BAZ1B: variants seen among roughly 807,000 people sequenced by gnomAD.
BAZ1B encodes tyrosine-protein kinase BAZ1B.
BAZ1B carries 22 observed loss-of-function variants against 153.8 expected under a neutral mutation model. That is an observed-to-expected ratio of 0.14 (90% CI 0.10 to 0.20). BAZ1B has a LOEUF of 0.20. Among genes scored for constraint, BAZ1B ranks in the 10% least tolerant of loss-of-function variants. The probability of loss-of-function intolerance (pLI) is 1.00; values close to 1 mark genes in which losing one functional copy is unlikely to be tolerated. For missense variants in BAZ1B, 1,325 were observed against 1,799.3 expected, an observed-to-expected ratio of 0.74 and a Z score of 4.77; for synonymous variants, 676 against 633.4, an observed-to-expected ratio of 1.07 and a Z score of -1.01.
chr7:73,505,306 G>A (rs1220468955), intron 3 of BAZ1B, among the ~76,000 whole-genome samples: 1 of 152,104 alleles, frequency 6.6e-6, no homozygotes, highest in Non-Finnish European at 1.5e-5. Context: ...CAACTCAGGG[G>A]ACAGCAAAGC....
At chr7:73,464,274 T>A in intron 11 of BAZ1B, 1 of 479,720 alleles carries the variant, frequency 2.1e-6, no homozygotes, top group Non-Finnish European at 2.7e-6. Flanking sequence ...CTGGCTTTGA[T>A]AGAAATAATG....
At chr7:73,443,316 C>T (rs1787699554) in intron 17 of BAZ1B, among the ~76,000 whole-genome samples, 1 of 152,092 alleles carries the variant, frequency 6.6e-6, no homozygotes, top group South Asian at 2.1e-4. Flanking sequence ...GCTCTTCCAC[C>T]GTAGACATGT....
intron 4 of BAZ1B, among the ~76,000 whole-genome samples, chr7:73,495,654 A>G (rs1326773421): frequency 6.6e-6 from 1 of 152,232 alleles, no homozygotes; most frequent in Non-Finnish European, 1.5e-5. Flanking sequence ...CAATGGACAC[A>G]AGAAAGAAAA....
In BAZ1B at chr7:73,442,720, C is replaced by T. The variant is rs1187369877; in HGVS notation, c.4094+5G>A. ...CTCCCCTGCACCTGAGAACACAGCA[C>T]TCACCTGAAGGGCCAGCTGAAGCGG... On this transcript the variant is annotated splice_donor_5th_base_variant and intron_variant, in intron 18 of 19. Coordinates refer to ENST00000339594, the MANE Select transcript of BAZ1B (RefSeq NM_032408.4). 1 of 1,613,618 alleles carries T rather than the reference C, an allele frequency of 6.2e-7. No individual in the cohort carries two copies. The highest frequency in any genetic ancestry group is 2.2e-5 in the East Asian group (1 of 44,864).
chr7:73,448,047 G>A (rs1255842810), intron 15 of BAZ1B, among the ~76,000 whole-genome samples: 2 of 152,218 alleles, frequency 1.3e-5, no homozygotes, highest in African/African-American at 2.4e-5. Flanking sequence ...GCTCACGCCT[G>A]TAATCCCAGC....
chr7:73,498,698 C>T lies in BAZ1B; in HGVS notation c.370G>A (p.Val124Ile), dbSNP rs199811050. ...ACCTTGAGCATTTTCTCCTTCCCAA[C>T]CTATAAAGGAGGTAGTAGAGAAAAT... ...YAVGEECDFE[V>I]GKEKMLKVKI... The change falls in exon 4 of 20, where the codon GTT becomes ATT. Residue 124 changes from valine to isoleucine, a missense_variant and splice_region_variant. Physicochemically the swap from Val to Ile is conservative, Grantham distance 29. Transcript: ENST00000339594. 269 of 1,613,490 alleles carry T rather than the reference C, an allele frequency of 1.7e-4. 1 individual carries two copies. The Admixed American group carries it at 4.2e-3, about 25-fold the overall frequency.
At chr7:73,514,190 G>C (rs1790698913) in intron 1 of BAZ1B, among the ~76,000 whole-genome samples, 1 of 152,066 alleles carries the variant, frequency 6.6e-6, no homozygotes, top group African/African-American at 2.4e-5. Flanking sequence ...GTTCAACCTA[G>C]AGTTGTTACT....
At chr7:73,517,913 A>T (rs1219941463) in intron 1 of BAZ1B, among the ~76,000 whole-genome samples, 4 of 152,188 alleles carry the variant, frequency 2.6e-5, no homozygotes, top group Admixed American at 6.5e-5. Context: ...TGTGGCCCAG[A>T]TAAGTATAGA....
chr7:73,484,308 TAGATAGAC>T (rs200635720), intron 6 of BAZ1B, among the ~76,000 whole-genome samples: 3 of 148,646 alleles, frequency 2.0e-5, no homozygotes, highest in Admixed American at 6.6e-5. Flanking sequence ...GATAGATAGA[TAGATAGAC>T]AGACAGACAG....
chr7:73,457,506 G>C (rs180972976), intron 13 of BAZ1B, among the ~76,000 whole-genome samples: 1 of 152,242 alleles, frequency 6.6e-6, no homozygotes, highest in East Asian at 1.9e-4. Flanking sequence ...CATGTTCACA[G>C]CAACATTATT....
chr7:73,478,314 G>A lies in BAZ1B; in HGVS notation c.1147C>T (p.His383Tyr). 1 of 1,614,134 alleles carries A rather than the reference G, an allele frequency of 6.2e-7. No homozygotes were observed. Among genetic ancestry groups the A allele is most frequent in the South Asian group, 1.1e-5 (1 of 91,070 alleles). ...MSPNKLHTNF[H>Y]IPKKGPPAKK... ...GCAGGTGGGCCTTTTTTAGGAATGT[G>A]AAAGTTAGTGTGCAGCTTATTGGGC... The change falls in exon 7 of 20, where the codon CAC becomes TAC. Residue 383 changes from histidine (H) to tyrosine (Y), a missense_variant. Transcript: ENST00000339594.
rs377216135 is a variant in BAZ1B at position 73,502,602 on chromosome 7, G to C, written c.370-3904C>G. ...ATACAAAAATTAGCCAGTGCCTTTG[G>C]ACTGTAGGATGAGGAAAAAAAAAAA... On this transcript the variant is annotated intron_variant, in intron 3 of 19. Coordinates refer to ENST00000339594, the MANE Select transcript of BAZ1B (RefSeq NM_032408.4). Among the ~76,000 whole-genome samples the C allele has an allele frequency of 1.7e-4, 26 of 151,100 alleles. 1 individual carries two copies. In the East Asian group the frequency reaches 2.3e-3, roughly 14 times the overall value.
chr7:73,504,795 T>A (rs893602156), intron 3 of BAZ1B, among the ~76,000 whole-genome samples: 6 of 152,002 alleles, frequency 3.9e-5, no homozygotes, highest in Admixed American at 3.9e-4. Flanking sequence ...ACCACTGCAC[T>A]CCAGTCTGGA....
chr7:73,443,869 TAAG>T, intron 17 of BAZ1B, 112 bp downstream of exon 17: 8 of 1,503,098 alleles, frequency 5.3e-6, no homozygotes, highest in South Asian at 3.5e-5. Context: ...CCAAGTTTGG[TAAG>T]AAGGAGGAGG....
rs551683120 is a variant in BAZ1B at position 73,499,031 on chromosome 7, T to G, written c.370-333A>C. Among the ~76,000 whole-genome samples the G allele has an allele frequency of 3.9e-5, 6 of 152,296 alleles. No homozygotes were observed. The East Asian group carries it at 5.8e-4, about 15-fold the overall frequency. ...CATTTTTGTATGTATTTACTTATTA[T>G]TATTTTTTTTTTGAGACACAGTCTC... is the stretch of plus-strand genomic sequence containing the variant. On this transcript the variant is annotated intron_variant, in intron 3 of 19. Transcript: ENST00000339594.
intron 9 of BAZ1B, 45 bp from the exon 10 acceptor site, chr7:73,466,446 T>C: frequency 7.3e-7 from 1 of 1,378,306 alleles, no homozygotes; most frequent in Non-Finnish European, 1.0e-6. Context: ...AAATACCCAA[T>C]TGCTAGTTTC....
chr7:73,510,156 G>A (rs190280867), intron 2 of BAZ1B, among the ~76,000 whole-genome samples: 58 of 151,406 alleles, frequency 3.8e-4, no homozygotes, highest in African/African-American at 1.2e-3. Flanking sequence ...AGGGCCAGGC[G>A]CGGTAGCTCA....
chr7:73,512,028 C>CAAAAAAAAAA lies in BAZ1B; in HGVS notation c.108-1186_108-1177dup, dbSNP rs1168749967. Among the ~76,000 whole-genome samples, 47 of 34,750 alleles carry CAAAAAAAAAA rather than the reference C, an allele frequency of 1.4e-3. 2 individuals are homozygous for CAAAAAAAAAA. Among genetic ancestry groups the CAAAAAAAAAA allele is most frequent in the African/African-American group, 5.6e-3 (46 of 8,142 alleles). 22.8% of individuals were successfully genotyped at this position (34,750 alleles called of 152,430 possible). On this transcript the variant is annotated intron_variant, in intron 1 of 19. Transcript: ENST00000339594. ...GGGTGATAAGAGCGAAACTCCACCTCAAAAAAAAAAAAAAAAAAAAAAAAA... is the reference window on the plus strand; with the variant it reads ...GGGTGATAAGAGCGAAACTCCACCTCAAAAAAAAAAAAAAAAAAAAAAAAAAAAAAAAAAA...
chr7:73,521,782 G>T (rs782563500), intron 1 of BAZ1B, 45 bp downstream of exon 1: 1 of 1,448,664 alleles, frequency 6.9e-7, no homozygotes, highest in Non-Finnish European at 9.2e-7. Context: ...GCCCTACCCC[G>T]GCCCAGCCCG....
Sources: allele counts gnomAD v4.1 joint callset (sites outside exome capture counted in the v4.1 genomes callset), GRCh38; gene constraint gnomAD v4.1.1; transcripts MANE v1.5; gene names NCBI Gene and HGNC (gene_info 2026-07-23, HGNC 2026-07-21).